The following PLCB4 variants were observed in gnomAD, a reference collection of about 807,000 sequenced individuals.
PLCB4 encodes 1-phosphatidylinositol 4,5-bisphosphate phosphodiesterase beta-4.
In PLCB4, 77 loss-of-function variants were observed where a neutral mutation model predicts 178.8. The ratio of observed to expected loss-of-function variants is 0.43; its 90% CI spans 0.36 to 0.52. The LOEUF is 0.52. Among genes scored for constraint, PLCB4 ranks in the 20% least tolerant of loss-of-function variants. PLCB4 has a pLI of 0.00. For missense variants in PLCB4, 1,024 were observed against 1,453.4 expected (o/e 0.70, Z 4.80); for synonymous variants, 496 against 490.8 (o/e 1.01, Z -0.14).
At chr20:9,421,157 G>A in intron 26 of PLCB4, 140 bp from the exon 27 acceptor site, 1 of 600,920 alleles carries the variant, frequency 1.7e-6, no homozygotes, top group Non-Finnish European at 2.8e-6. Context: ...TGGTTTGATA[G>A]AAATGAATAC....
At chr20:9,215,171 C>A (rs1419548621) in intron 2 of PLCB4, among the ~76,000 whole-genome samples, 1 of 152,176 alleles carries the variant, frequency 6.6e-6, no homozygotes, top group Non-Finnish European at 1.5e-5. Context: ...ATTTATTGAG[C>A]ATCTACTCTG....
chr20:9,409,832 G>C (rs1465507142), intron 24 of PLCB4, among the ~76,000 whole-genome samples: 3 of 151,892 alleles, frequency 2.0e-5, no homozygotes, highest in African/African-American at 7.3e-5. Flanking sequence ...TTTGAGGTTT[G>C]CTTAAGAGCC....
intron 4 of PLCB4, among the ~76,000 whole-genome samples, chr20:9,312,131 T>G (rs2094841720): frequency 6.6e-6 from 1 of 151,952 alleles, no homozygotes; most frequent in Non-Finnish European, 1.5e-5. Context: ...ATCAGCCAGT[T>G]CTTCTTAGGG....
chr20:9,473,054 G>A lies in PLCB4; in HGVS notation c.3408+207G>A, dbSNP rs935555141. ...GGCACCATTTTATACAGAAAATGAAGCCAGGTTTAGTCATGCGTAAGTCCT... is the reference window on the plus strand; with the variant it reads ...GGCACCATTTTATACAGAAAATGAAACCAGGTTTAGTCATGCGTAAGTCCT... On this transcript the variant is annotated intron_variant, in intron 37 of 39. Transcript: ENST00000378473. 3.9e-5 allele frequency among the ~76,000 whole-genome samples: 6 copies of A among 152,090 alleles called. No homozygotes were observed. In the East Asian group the frequency reaches 9.6e-4, roughly 24 times the overall value.
chr20:9,082,590 G>T (rs2090207061), intron 1 of PLCB4, among the ~76,000 whole-genome samples: 1 of 152,198 alleles, frequency 6.6e-6, no homozygotes. Context: ...ACATTTCAGT[G>T]CAGACAACAT....
At chr20:9,093,000 A>G (rs553140420) in intron 1 of PLCB4, among the ~76,000 whole-genome samples, 168 of 152,276 alleles carry the variant, frequency 1.1e-3, no homozygotes, top group African/African-American at 3.8e-3. Context: ...TAGCCACCAT[A>G]CCTGGGAATT....
intron 3 of PLCB4, among the ~76,000 whole-genome samples, chr20:9,224,825 A>G (rs2093843440): frequency 6.6e-6 from 1 of 152,208 alleles, no homozygotes; most frequent in South Asian, 2.1e-4. Flanking sequence ...GCTAAGCTCA[A>G]CATTCTACCA....
intron 35 of PLCB4, among the ~76,000 whole-genome samples, chr20:9,460,404 A>G (rs572168478): frequency 3.0e-4 from 45 of 152,328 alleles, no homozygotes; most frequent in African/African-American, 1.1e-3. Context: ...TGATCATTTA[A>G]TAGCTACCTG....
chr20:9,358,730 C>T (rs2148209897), intron 7 of PLCB4, among the ~76,000 whole-genome samples: 1 of 152,056 alleles, frequency 6.6e-6, no homozygotes, highest in Non-Finnish European at 1.5e-5. Context: ...CCCCTCTCTA[C>T]TAAGAGTACA....
chr20:9,279,233 T>C (rs959300907), intron 3 of PLCB4, among the ~76,000 whole-genome samples: 3 of 152,110 alleles, frequency 2.0e-5, no homozygotes, highest in African/African-American at 7.2e-5. Flanking sequence ...TATCTGTGAG[T>C]TCATTGAATG....
chr20:9,326,856 A>G (rs2030682303), intron 4 of PLCB4, among the ~76,000 whole-genome samples: 1 of 152,144 alleles, frequency 6.6e-6, no homozygotes, highest in Non-Finnish European at 1.5e-5. Flanking sequence ...GGTTTCCCTT[A>G]TGCTTAGCTT....
At chr20:9,434,560 A>C (rs1409084545) in intron 28 of PLCB4, among the ~76,000 whole-genome samples, 1 of 151,900 alleles carries the variant, frequency 6.6e-6, no homozygotes, top group African/African-American at 2.4e-5. Context: ...ATTTTTAGTA[A>C]AGACGGGGTT....
chr20:9,115,962 A>G (rs2091765091), intron 2 of PLCB4, among the ~76,000 whole-genome samples: 1 of 152,110 alleles, frequency 6.6e-6, no homozygotes, highest in Non-Finnish European at 1.5e-5. Context: ...GGGAAACAGA[A>G]AAACATACCT....
chr20:9,146,630 G>A (rs1305857485), intron 2 of PLCB4, among the ~76,000 whole-genome samples: 1 of 152,118 alleles, frequency 6.6e-6, no homozygotes, highest in Non-Finnish European at 1.5e-5. Context: ...AAAGTATTTG[G>A]TTAAAGTGGA....
At chr20:9,274,866 A>G (rs1305890863) in intron 3 of PLCB4, among the ~76,000 whole-genome samples, 1 of 152,078 alleles carries the variant, frequency 6.6e-6, no homozygotes. Context: ...TTTAAAATCT[A>G]TACTAATTAT....
chr20:9,092,558 G>A (rs1364507897), intron 1 of PLCB4, among the ~76,000 whole-genome samples: 1 of 152,142 alleles, frequency 6.6e-6, no homozygotes, highest in African/African-American at 2.4e-5. Flanking sequence ...GGGAAAATAA[G>A]TTATTGCTGG....
At chr20:9,343,138 A>C (rs2033422905) in intron 7 of PLCB4, among the ~76,000 whole-genome samples, 1 of 152,142 alleles carries the variant, frequency 6.6e-6, no homozygotes, top group Non-Finnish European at 1.5e-5. Flanking sequence ...AGTGAAATGT[A>C]AGTTAAGTGA....
intron 2 of PLCB4, among the ~76,000 whole-genome samples, chr20:9,167,374 T>G (rs369639695): frequency 6.6e-6 from 1 of 152,220 alleles, no homozygotes; most frequent in Non-Finnish European, 1.5e-5. Flanking sequence ...TTTAAAAAGC[T>G]AATTCATTTT....
chr20:9,123,847 A>G (rs1187851561), intron 2 of PLCB4, among the ~76,000 whole-genome samples: 8 of 151,910 alleles, frequency 5.3e-5, no homozygotes, highest in Admixed American at 4.6e-4. Context: ...AGCTGTCACA[A>G]GCAGGAGTTG....
Sources: gnomAD v4.1 joint callset for allele counts (sites outside exome capture counted in the v4.1 genomes callset) on GRCh38, gnomAD v4.1.1 for gene constraint, MANE v1.5 for transcripts, NCBI Gene and HGNC (gene_info 2026-07-23, HGNC 2026-07-21) for gene names.